The following FAAH2 variants were observed in gnomAD, a reference collection of about 807,000 sequenced individuals.
FAAH2 encodes the protein fatty-acid amide hydrolase 2.
FAAH2 carries 60 observed loss-of-function variants against 36.9 expected under a neutral mutation model. The ratio of observed to expected loss-of-function variants is 1.63; its 90% CI spans 1.32 to 2.02. The LOEUF is 2.02. Ranked by LOEUF, FAAH2 falls within the 30% of genes most tolerant of loss-of-function variation. FAAH2 has a pLI of 0.00. For synonymous variants in FAAH2, 214 were observed against 143.8 expected, an observed-to-expected ratio of 1.49 and a Z score of -3.49; for missense variants, 689 against 397.5, an observed-to-expected ratio of 1.73 and a Z score of -6.23.
the FAAH2 span, among the ~76,000 whole-genome samples, chrX:57,277,223 C>T: frequency 9.0e-6 from 1 of 111,421 alleles, no homozygotes; most frequent in Non-Finnish European, 1.9e-5. Context: ...AAAGCTTATC[C>T]ACCACGATCA....
At chrX:57,209,610 C>A in the FAAH2 span, among the ~76,000 whole-genome samples, 1 of 111,481 alleles carries the variant, frequency 9.0e-6, no homozygotes, top group East Asian at 2.8e-4. Context: ...GGGAATGAGT[C>A]TCTTTCAGAG....
chrX:57,127,710 A>G, the FAAH2 span, among the ~76,000 whole-genome samples: 4 of 111,154 alleles, frequency 3.6e-5, no homozygotes, highest in African/African-American at 1.3e-4. Context: ...ACCTTTCTCT[A>G]TCTCATTTCC....
At chrX:57,195,553 G>A in the FAAH2 span, among the ~76,000 whole-genome samples, 1 of 111,696 alleles carries the variant, frequency 9.0e-6, no homozygotes, top group Non-Finnish European at 1.9e-5. Flanking sequence ...CATTCTGTGG[G>A]TTGTCTGTTT....
At chrX:57,163,086 A>T in the FAAH2 span, among the ~76,000 whole-genome samples, 1 of 111,398 alleles carries the variant, frequency 9.0e-6, no homozygotes, top group African/African-American at 3.3e-5. Flanking sequence ...AACAGACAGG[A>T]CCCTCAGCTG....
At chrX:57,474,699 T>C (rs1050676361) in intron 10 of FAAH2, among the ~76,000 whole-genome samples, 1 of 112,417 alleles carries the variant, frequency 8.9e-6, no homozygotes, top group Non-Finnish European at 1.9e-5. Flanking sequence ...AGTAGAATGA[T>C]TTATAATCCT....
At chrX:57,478,620 G>A (rs1280543636) in intron 10 of FAAH2, among the ~76,000 whole-genome samples, 24 of 111,773 alleles carry the variant, frequency 2.1e-4, no homozygotes, top group African/African-American at 7.5e-4. Flanking sequence ...TATGGTTTTA[G>A]GTGTAACGTT....
At chrX:57,431,779 G>GTTTTTTTTTTT (rs368910432) in intron 7 of FAAH2, 139 bp from the exon 8 acceptor site, 2 of 83,560 alleles carry the variant, frequency 2.4e-5, no homozygotes, top group African/African-American at 7.0e-5. Flanking sequence ...TTGTTTTTTT[G>GTTTTTTTTTTT]TTTTTTTGTT....
rs752341630 is a variant in FAAH2, at chrX:57,464,309, G to A, written c.1423+15591G>A. On this transcript the variant is annotated intron_variant, in intron 10 of 10. Transcript: ENST00000374900. ...ATTAGGACAAATACCTAATGTATGC[G>A]GGGCTTAAAACCTAAATGATGGGTT... Among the ~76,000 whole-genome samples, 34 of 110,691 alleles carry A rather than the reference G, an allele frequency of 3.1e-4. No homozygotes were observed. In the South Asian group the frequency reaches 6.8e-3, roughly 22 times the overall value.
the FAAH2 span, among the ~76,000 whole-genome samples, chrX:57,217,245 C>CT: frequency 1.4e-5 from 1 of 72,282 alleles, no homozygotes; most frequent in East Asian, 3.9e-4. Context: ...ACTTTGACGA[C>CT]TGTTTTTTTT....
intron 8 of FAAH2, among the ~76,000 whole-genome samples, chrX:57,432,890 G>T (rs777698680): frequency 9.1e-6 from 1 of 109,309 alleles, no homozygotes; most frequent in African/African-American, 3.3e-5. Context: ...TTATTTTGTG[G>T]ATTAACAATA....
intron 4 of FAAH2, among the ~76,000 whole-genome samples, chrX:57,334,947 A>C (rs1452787583): frequency 1.8e-5 from 2 of 111,847 alleles, no homozygotes; most frequent in Non-Finnish European, 3.8e-5. Flanking sequence ...TCATTGAGAC[A>C]GAAAATTAAC....
the FAAH2 span, among the ~76,000 whole-genome samples, chrX:57,280,077 T>C: frequency 1.1e-3 from 122 of 111,968 alleles, no homozygotes; most frequent in Non-Finnish European, 2.8e-4. Context: ...AAATTAAAGA[T>C]AGCTAAATAA....
chrX:57,278,299 A>G, the FAAH2 span, among the ~76,000 whole-genome samples: 1 of 111,869 alleles, frequency 8.9e-6, no homozygotes, highest in Admixed American at 9.5e-5. Context: ...CTGATCTTTG[A>G]CAAACCTGAC....
chrX:57,356,385 G>T (rs1282356358), intron 5 of FAAH2, among the ~76,000 whole-genome samples: 4 of 110,219 alleles, frequency 3.6e-5, no homozygotes, highest in Non-Finnish European at 7.6e-5. Context: ...TCTGTTCCTG[G>T]GATTTCCTGT....
At chrX:57,252,074 G>T in the FAAH2 span, among the ~76,000 whole-genome samples, 32 of 112,842 alleles carry the variant, frequency 2.8e-4, 1 homozygote, top group African/African-American at 1.0e-3. Context: ...CAGGAGACCT[G>T]CCTGGCTTGG....
the FAAH2 span, among the ~76,000 whole-genome samples, chrX:57,252,307 G>T: frequency 1.8e-5 from 2 of 112,844 alleles, no homozygotes; most frequent in African/African-American, 6.4e-5. Context: ...CCTCTGGGGA[G>T]AGGGCATATC....
chrX:57,421,170 G>T (rs1338044726), intron 7 of FAAH2, among the ~76,000 whole-genome samples: 1 of 112,357 alleles, frequency 8.9e-6, no homozygotes, highest in Non-Finnish European at 1.9e-5. Flanking sequence ...TTTTGGCCGG[G>T]TGAAGTGGCC....
chrX:57,384,670 AAAC>A (rs1188957660), intron 7 of FAAH2, among the ~76,000 whole-genome samples: 1 of 110,878 alleles, frequency 9.0e-6, no homozygotes, highest in Admixed American at 9.6e-5. Context: ...AAAAGTCAGG[AAAC>A]AACAGGTGCT....
the FAAH2 span, among the ~76,000 whole-genome samples, chrX:57,133,993 C>A: frequency 3.6e-5 from 4 of 111,167 alleles, no homozygotes; most frequent in African/African-American, 1.3e-4. Flanking sequence ...GGCAGCAGGG[C>A]GTCACCAGCA....
Sources: allele counts gnomAD v4.1 joint callset (sites outside exome capture counted in the v4.1 genomes callset), GRCh38; gene constraint gnomAD v4.1.1; transcripts MANE v1.5; gene names NCBI Gene and HGNC (gene_info 2026-07-23, HGNC 2026-07-21).